CFDP1: variants seen among roughly 807,000 people sequenced by gnomAD.
The protein encoded by CFDP1 is heterochromatin-stabilizing protein CFDP1.
CFDP1 carries 31 observed loss-of-function variants against 40.1 expected under a neutral mutation model. That is an observed-to-expected ratio of 0.77 (90% confidence interval 0.58 to 1.04). The LOEUF (loss-of-function observed/expected upper bound fraction) is 1.04, where lower values mean the gene tolerates loss of function less well. Ranked by LOEUF, CFDP1 falls within the 50% of genes least tolerant of loss-of-function variation. CFDP1 has a pLI of 0.00. For missense variants in CFDP1, 423 were observed against 343.4 expected (o/e 1.23, Z -1.83); for synonymous variants, 167 against 120.0 (o/e 1.39, Z -2.56).
At chr16:75,335,668 T>C (rs986245785) in intron 5 of CFDP1, among the ~76,000 whole-genome samples, 2 of 151,616 alleles carry the variant, frequency 1.3e-5, no homozygotes, top group Admixed American at 6.6e-5. Flanking sequence ...GCCATTCTCC[T>C]GCCTCAGCCT....
At chr16:75,394,855 C>G (rs1436136473) in intron 5 of CFDP1, 1 of 357,342 alleles carries the variant, frequency 2.8e-6, no homozygotes, top group Non-Finnish European at 5.2e-6. Context: ...GAGACAGGGT[C>G]TTACTGTATT....
At chr16:75,415,046 C>T (rs186991940) in intron 1 of CFDP1, among the ~76,000 whole-genome samples, 82 of 152,296 alleles carry the variant, frequency 5.4e-4, no homozygotes, top group African/African-American at 1.9e-3. Context: ...AGTGAATGAA[C>T]AGAAATTTCA....
intron 5 of CFDP1, among the ~76,000 whole-genome samples, chr16:75,373,845 T>G (rs1439499971): frequency 6.6e-6 from 1 of 152,166 alleles, no homozygotes; most frequent in African/African-American, 2.4e-5. Context: ...AGAAAAAAAT[T>G]CTGGTAGGAA....
chr16:75,432,848 T>C (rs559593506), intron 1 of CFDP1, among the ~76,000 whole-genome samples: 24 of 152,292 alleles, frequency 1.6e-4, no homozygotes, highest in African/African-American at 5.3e-4. Context: ...GGGAACTTTC[T>C]ATCAGAACTT....
At chr16:75,391,117 TTTAG>T (rs1481519321) in intron 5 of CFDP1, among the ~76,000 whole-genome samples, 2 of 152,242 alleles carry the variant, frequency 1.3e-5, no homozygotes, top group African/African-American at 2.4e-5. Context: ...TTCTCCATTC[TTTAG>T]TTATTTTCAT....
intron 6 of CFDP1, 50 bp from the exon 7 acceptor site, chr16:75,294,092 C>T (rs1199976355): frequency 1.5e-6 from 2 of 1,376,130 alleles, no homozygotes; most frequent in South Asian, 2.3e-5. Flanking sequence ...GGAAAAACTC[C>T]TCCCCTGCAC....
At chr16:75,393,916 G>C (rs550885425) in intron 5 of CFDP1, among the ~76,000 whole-genome samples, 1 of 151,852 alleles carries the variant, frequency 6.6e-6, no homozygotes, top group East Asian at 1.9e-4. Context: ...AAGATTAGAC[G>C]GGCGTGTTGG....
At chr16:75,361,516 C>T (rs991941948) in intron 5 of CFDP1, among the ~76,000 whole-genome samples, 4 of 152,050 alleles carry the variant, frequency 2.6e-5, no homozygotes, top group Admixed American at 6.5e-5. Flanking sequence ...ACTCAGGAGG[C>T]TGAGGCATGA....
chr16:75,406,396 A>C (rs887333710), intron 4 of CFDP1, among the ~76,000 whole-genome samples: 1 of 151,430 alleles, frequency 6.6e-6, no homozygotes, highest in African/African-American at 2.4e-5. Flanking sequence ...AAATAAATAA[A>C]ATATTAAAAA....
intron 1 of CFDP1, among the ~76,000 whole-genome samples, chr16:75,424,097 G>A (rs919111378): frequency 6.6e-6 from 1 of 152,156 alleles, no homozygotes; most frequent in African/African-American, 2.4e-5. Flanking sequence ...TCAATAGATG[G>A]AGAAAAAGCA....
At position 75,392,176 on chromosome 16, in the gene CFDP1, G is replaced by T. The variant is rs150888719; in HGVS notation, c.650+2914C>A. On this transcript the variant is annotated intron_variant, in intron 5 of 6. Transcript: ENST00000283882. ...ATGCCAGCACTTTGGGAGGCTGAAG[G>T]GGGTGGATCACGAAGTCAGGAGTTC... is the stretch of plus-strand genomic sequence containing the variant. Among the ~76,000 whole-genome samples, 525 of 151,888 alleles carry T rather than the reference G, an allele frequency of 3.5e-3. 6 individuals carry two copies. Among genetic ancestry groups the T allele is most frequent in the Non-Finnish European group, 5.3e-3 (362 of 67,926 alleles).
chr16:75,412,012 T>A (rs1165078094), intron 3 of CFDP1, 60 bp from the exon 4 acceptor site: 1 of 1,507,432 alleles, frequency 6.6e-7, no homozygotes, highest in Admixed American at 2.3e-5. Context: ...TGTTTACAGA[T>A]ACTTTTTATT....
chr16:75,381,288 AC>A (rs1336309415), intron 5 of CFDP1: 1 of 152,104 alleles, frequency 6.6e-6, no homozygotes, highest in Non-Finnish European at 1.5e-5. Context: ...ACAAAGTGAG[AC>A]CCTGTCTCAA....
intron 6 of CFDP1, among the ~76,000 whole-genome samples, chr16:75,302,591 G>C (rs924594161): frequency 3.9e-5 from 6 of 152,320 alleles, no homozygotes; most frequent in African/African-American, 1.2e-4. Context: ...CAAGCAGAGT[G>C]AACACTGTCC....
chr16:75,318,408 C>CTTTT (rs11437738), intron 5 of CFDP1, among the ~76,000 whole-genome samples: 1 of 138,514 alleles, frequency 7.2e-6, no homozygotes, highest in African/African-American at 2.7e-5. Flanking sequence ...TTCTTTCTTT[C>CTTTT]TTTTTTTTTT....
intron 4 of CFDP1, among the ~76,000 whole-genome samples, chr16:75,405,229 A>C (rs1261151685): frequency 6.6e-6 from 1 of 152,246 alleles, no homozygotes; most frequent in Non-Finnish European, 1.5e-5. Context: ...GATACTTCAG[A>C]ATTATCTTGT....
intron 1 of CFDP1, among the ~76,000 whole-genome samples, chr16:75,430,238 T>TCAGCTCACTGCAACCC (rs2079395227): frequency 6.6e-6 from 1 of 151,498 alleles, no homozygotes; most frequent in Non-Finnish European, 1.5e-5. Flanking sequence ...TGGCGCAACC[T>TCAGCTCACTGCAACCC]CAGCTCACTG....
chr16:75,327,157 T>C (rs369126149), intron 5 of CFDP1, among the ~76,000 whole-genome samples: 11 of 152,010 alleles, frequency 7.2e-5, no homozygotes, highest in African/African-American at 2.7e-4. Context: ...GTTCCAGCTA[T>C]TCGGGAGGCT....
intron 1 of CFDP1, among the ~76,000 whole-genome samples, chr16:75,414,898 G>A (rs77056748): frequency 0.01 from 1,582 of 152,100 alleles, 31 homozygotes; most frequent in African/African-American, 0.033. Context: ...TTCTATCGTA[G>A]GCTTCCATGG....
Sources: allele counts gnomAD v4.1 joint callset (sites outside exome capture counted in the v4.1 genomes callset), GRCh38; gene constraint gnomAD v4.1.1; transcripts MANE v1.5; gene names NCBI Gene and HGNC (gene_info 2026-07-23, HGNC 2026-07-21).